Variants in TUB observed in about 807,000 individuals in gnomAD.
TUB encodes tubby protein homolog.
In TUB, 33 loss-of-function variants were observed where a neutral mutation model predicts 59.7. The ratio of observed to expected loss-of-function variants is 0.55; its 90% CI spans 0.42 to 0.74. TUB has a LOEUF of 0.74. Among genes scored for constraint, TUB ranks in the 30% least tolerant of loss-of-function variants. TUB has a pLI of 0.00. For missense variants in TUB, 659 were observed against 672.0 expected (o/e 0.98, Z 0.21); for synonymous variants, 293 against 256.4 (o/e 1.14, Z -1.36).
chr11:8,059,510 G>A (rs936591168), intron 2 of TUB, among the ~76,000 whole-genome samples: 13 of 152,088 alleles, frequency 8.5e-5, no homozygotes, highest in African/African-American at 2.7e-4. Flanking sequence ...GGTGGTGCCC[G>A]GGAGTATGCT....
intron 2 of TUB, chr11:8,060,042 T>G (rs1943092876): frequency 6.6e-6 from 1 of 152,438 alleles, no homozygotes; most frequent in South Asian, 2.1e-4. Context: ...CTATGCACAT[T>G]GCCAGAAAAC....
intron 2 of TUB, among the ~76,000 whole-genome samples, chr11:8,072,715 T>A (rs1346128924): frequency 6.6e-6 from 1 of 152,118 alleles, no homozygotes; most frequent in Non-Finnish European, 1.5e-5. Flanking sequence ...AATCAACAGA[T>A]GAGGAAACTG....
chr11:8,075,047 C>A (rs545166626), intron 2 of TUB, among the ~76,000 whole-genome samples: 1 of 151,402 alleles, frequency 6.6e-6, no homozygotes, highest in Non-Finnish European at 1.5e-5. Context: ...GCCAGGCCAA[C>A]CCTGTCTCAT....
intron 7 of TUB, 49 bp downstream of exon 7, chr11:8,097,474 A>G (rs1944050521): frequency 6.2e-7 from 1 of 1,611,210 alleles, no homozygotes; most frequent in Admixed American, 1.7e-5. Flanking sequence ...AGCCCTTTGA[A>G]ATCCTAGGGG....
chr11:8,101,052 C>G, intron 11 of TUB, 55 bp downstream of exon 11: 1 of 1,601,816 alleles, frequency 6.2e-7, no homozygotes, highest in South Asian at 1.1e-5. Flanking sequence ...AGGCCCTTAG[C>G]GTAGGGTTCA....
upstream of TUB, among the ~76,000 whole-genome samples, chr11:8,034,618 G>A (rs1193495631): frequency 6.6e-6 from 1 of 152,196 alleles, no homozygotes; most frequent in Non-Finnish European, 1.5e-5. Flanking sequence ...CCTGAGCTGG[G>A]TGTCAGATCT....
At position 8,106,114 on chromosome 11, in the gene TUB, G is replaced by GTATT. The variant is rs1367822896; in HGVS notation, c.*4504_*4507dup. The stretch of plus-strand genomic sequence containing the variant: ...TAAACTTTGGTATTCTGGAGCAAAT[G>GTATT]TATTTATTTATTGGTATGTGCAATG... On this transcript the variant is annotated 3_prime_UTR_variant, in exon 12 of 12. Transcript: ENST00000299506. The GTATT allele has an allele frequency of 2.0e-5, 3 of 151,818 alleles. No homozygotes were observed. The highest frequency in any genetic ancestry group is 4.1e-4 in the South Asian group (2 of 4,828). The allele number at this position is 151,818 out of a possible 1,614,324, so 9.4% of individuals were successfully genotyped here.
upstream of TUB, among the ~76,000 whole-genome samples, chr11:8,078,940 T>C (rs780988025): frequency 2.6e-5 from 4 of 152,034 alleles, no homozygotes; most frequent in South Asian, 2.1e-4. Context: ...CTCACACTCA[T>C]GCATACACTG....
chr11:8,081,828 C>T (rs1196900746), intron 1 of TUB, among the ~76,000 whole-genome samples: 1 of 152,204 alleles, frequency 6.6e-6, no homozygotes, highest in Non-Finnish European at 1.5e-5. Context: ...GGGAAGGAGT[C>T]CACACTGCTC....
chr11:8,080,709 G>A (rs992371618), upstream of TUB, among the ~76,000 whole-genome samples: 4 of 152,216 alleles, frequency 2.6e-5, no homozygotes, highest in East Asian at 7.7e-4. Context: ...TTAGATGGGA[G>A]GGAGCCACTG....
chr11:8,099,825 T>A (rs1409266735), intron 9 of TUB, among the ~76,000 whole-genome samples: 1 of 152,094 alleles, frequency 6.6e-6, no homozygotes, highest in Non-Finnish European at 1.5e-5. Context: ...AGTGTACGTG[T>A]CTAGGGGACA....
At chr11:8,031,032 G>A (rs74469798) in intron 1 of TUB, among the ~76,000 whole-genome samples, 2,960 of 152,308 alleles carry the variant, frequency 0.019, 97 homozygotes, top group African/African-American at 0.067. Context: ...AGGCAATGAC[G>A]GGTTGGGCTC....
chr11:8,070,364 A>G (rs1943338761), intron 2 of TUB, among the ~76,000 whole-genome samples: 2 of 152,156 alleles, frequency 1.3e-5, no homozygotes, highest in Admixed American at 1.3e-4. Context: ...TTATTTTAAA[A>G]CTTTTCATAT....
chr11:8,024,235 C>T (rs1942470616), intron 1 of TUB, among the ~76,000 whole-genome samples: 1 of 152,218 alleles, frequency 6.6e-6, no homozygotes, highest in South Asian at 2.1e-4. Flanking sequence ...GACTCTAGCC[C>T]GGCGTGGATC....
chr11:8,045,386 T>TCTC (rs771275270), intron 2 of TUB, among the ~76,000 whole-genome samples: 172 of 152,352 alleles, frequency 1.1e-3, no homozygotes, highest in South Asian at 2.5e-3. Flanking sequence ...TTATGCATCT[T>TCTC]CTCCTCCTCC....
intron 1 of TUB, among the ~76,000 whole-genome samples, chr11:8,028,639 A>T (rs960085842): frequency 3.0e-4 from 46 of 152,184 alleles, no homozygotes; most frequent in African/African-American, 1.1e-3. Flanking sequence ...CTTTTGCATG[A>T]AAGAAAATCC....
chr11:8,083,716 G>A (rs1336759283), intron 1 of TUB, among the ~76,000 whole-genome samples: 1 of 151,728 alleles, frequency 6.6e-6, no homozygotes, highest in South Asian at 2.1e-4. Flanking sequence ...CACCCTTATA[G>A]CCCTGCACTG....
At chr11:8,077,064 T>C (rs956331879), upstream of TUB, 2 of 152,212 alleles carry the variant, frequency 1.3e-5, no homozygotes, top group Non-Finnish European at 2.9e-5. Flanking sequence ...AGCTTCAAAA[T>C]GGCACTTGAC....
chr11:8,058,746 A>G (rs1202449913), intron 2 of TUB, among the ~76,000 whole-genome samples: 1 of 152,270 alleles, frequency 6.6e-6, no homozygotes, highest in Non-Finnish European at 1.5e-5. Context: ...ATCAAGCAGC[A>G]TTAAGCTGGA....
Sources: allele counts gnomAD v4.1 joint callset (sites outside exome capture counted in the v4.1 genomes callset), GRCh38; gene constraint gnomAD v4.1.1; transcripts MANE v1.5; gene names NCBI Gene and HGNC (gene_info 2026-07-23, HGNC 2026-07-21).